The following EFCAB9 variants were observed in gnomAD, a reference collection of about 807,000 sequenced individuals.
The protein encoded by EFCAB9 is EF-hand calcium-binding domain-containing protein 9.
A neutral mutation model predicts 15.6 loss-of-function variants in EFCAB9; 16 were observed. The ratio of observed to expected loss-of-function variants is 1.03; its 90% CI spans 0.69 to 1.56. EFCAB9 has a LOEUF of 1.56. Among genes scored for constraint, EFCAB9 ranks in the 40% most tolerant of loss-of-function variants. The pLI, the probability that EFCAB9 is intolerant of heterozygous loss-of-function variation, is 0.00. For synonymous variants in EFCAB9, 76 were observed against 85.4 expected (o/e 0.89, Z 0.61); for missense variants, 208 against 235.4 (o/e 0.88, Z 0.76).
At position 172,199,388 on chromosome 5, in the gene EFCAB9, C is replaced by G. The variant is rs1771217674; in HGVS notation, c.142C>G (p.Leu48Val). The G allele has an allele frequency of 2.6e-6, 4 of 1,537,092 alleles. No homozygotes were observed. The highest frequency in any genetic ancestry group is 2.0e-5 in the Admixed American group (1 of 50,970). Residue 48 changes from leucine to valine, a missense_variant, in exon 2 of 4, where the codon CTG becomes GTG. Leu to Val is a conservative substitution (Grantham distance 32). Coordinates refer to ENST00000398186, the MANE Select transcript of EFCAB9 (RefSeq NM_001171183.2). ...VHGKNTLNDVLFYHFLHHVTD... is the reference protein window; with the variant it reads ...VHGKNTLNDVVFYHFLHHVTD... Reference sequence around the variant, plus strand: ...TCACCTGCCCACCTTAACAGATGTGCTGTTCTATCACTTCCTTCATCATGT... The same window carrying G: ...TCACCTGCCCACCTTAACAGATGTGGTGTTCTATCACTTCCTTCATCATGT...
Position 172,197,761 on chromosome 5 carries a change from G to T in EFCAB9, c.137-1622G>T, listed in dbSNP as rs914437293. On this transcript the variant is annotated intron_variant, in intron 1 of 3. Coordinates refer to ENST00000398186, the MANE Select transcript of EFCAB9 (RefSeq NM_001171183.2). ...AGTAAGCAGCATCAAGATTTATTGT[G>T]AAGAGTAAAAGAACAAAGCTCCTAC... Among the ~76,000 whole-genome samples, 11 of 152,250 alleles carry T rather than the reference G, an allele frequency of 7.2e-5. No homozygotes were observed. In the South Asian group the frequency reaches 1.2e-3, roughly 17 times the overall value.
chr5:172,200,722 T>G lies in EFCAB9; in HGVS notation c.442T>G (p.Phe148Val), dbSNP rs1163871917. 3.3e-6 allele frequency: 5 copies of G among 1,537,410 alleles called. No homozygotes were observed. Among genetic ancestry groups the G allele is most frequent in the Non-Finnish European group, 4.4e-6 (5 of 1,146,812 alleles). Residue 148 changes from phenylalanine to valine, a missense_variant, in exon 3 of 4, where the codon TTT becomes GTT. Coordinates refer to ENST00000398186, the MANE Select transcript of EFCAB9 (RefSeq NM_001171183.2). ...GGAACTCAAAGATCTCTTCCGTGAC[T>G]TTGACATTACAGGTGACAATGTAAG... ...KQELKDLFRD[F>V]DITGDNRLNY...
intron 2 of EFCAB9, among the ~76,000 whole-genome samples, chr5:172,199,931 CCTTT>C (rs1473466159): frequency 1.5e-5 from 2 of 137,314 alleles, no homozygotes; most frequent in African/African-American, 5.4e-5. Context: ...TACCCAGTTT[CCTTT>C]TTTTTTTTTT....
intron 3 of EFCAB9, 49 bp from the exon 4 acceptor site, chr5:172,203,165 T>C (rs537325105): frequency 9.0e-6 from 13 of 1,441,232 alleles, no homozygotes; most frequent in Non-Finnish European, 1.2e-5. Context: ...AAACAAAGTA[T>C]GAAGTTTTTC....
chr5:172,199,117 G>A (rs1273006101), intron 1 of EFCAB9, among the ~76,000 whole-genome samples: 1 of 152,208 alleles, frequency 6.6e-6, no homozygotes, highest in Admixed American at 6.5e-5. Flanking sequence ...GCTCCATGGA[G>A]TGTGTGAGCT....
At chr5:172,197,594 T>C (rs1178519890) in intron 1 of EFCAB9, among the ~76,000 whole-genome samples, 1 of 152,210 alleles carries the variant, frequency 6.6e-6, no homozygotes, top group South Asian at 2.1e-4. Context: ...TATAGACTAA[T>C]TGATATCTGA....
intron 3 of EFCAB9, among the ~76,000 whole-genome samples, chr5:172,202,788 T>C (rs1443787339): frequency 6.7e-6 from 1 of 149,330 alleles, no homozygotes; most frequent in African/African-American, 2.5e-5. Flanking sequence ...GGTCATGAGG[T>C]CAGGAGTTTG....
At chr5:172,196,162 C>T (rs11134734) in intron 1 of EFCAB9, among the ~76,000 whole-genome samples, 26,972 of 151,928 alleles carry the variant, frequency 0.18, 2,513 homozygotes, top group East Asian at 0.35. Flanking sequence ...CTAAGTTGCA[C>T]ATGGAAACAT....
At chr5:172,194,377 C>A in intron 1 of EFCAB9, 69 bp downstream of exon 1, 1 of 1,488,082 alleles carries the variant, frequency 6.7e-7, no homozygotes, top group Non-Finnish European at 8.9e-7. Context: ...AGAAAACTTG[C>A]AGAGCCAGAA....
At chr5:172,198,912 C>T (rs565447503) in intron 1 of EFCAB9, among the ~76,000 whole-genome samples, 1 of 152,264 alleles carries the variant, frequency 6.6e-6, no homozygotes, top group East Asian at 1.9e-4. Flanking sequence ...CTGTGCCTGG[C>T]CGAAGGGGAA....
At chr5:172,199,341 T>C (rs1282408958) in intron 1 of EFCAB9, 42 bp from the exon 2 acceptor site, 4 of 1,532,032 alleles carry the variant, frequency 2.6e-6, no homozygotes, top group Non-Finnish European at 3.5e-6. Context: ...ATTTTGGAAC[T>C]ATATCCAAAT....
Position 172,195,102 on chromosome 5 carries a change from A to T in EFCAB9, c.136+794A>T, listed in dbSNP as rs182121193. Among the ~76,000 whole-genome samples the T allele has an allele frequency of 2.9e-4, 44 of 152,064 alleles. No homozygotes were observed. The East Asian group carries it at 8.3e-3, about 29-fold the overall frequency. On this transcript the variant is annotated intron_variant, in intron 1 of 3. Transcript: ENST00000398186. ...TTTATCTGTCATGTGGGAAGTTTGAATCTGATGAGCTGCAGGATCCCTTCT... is the reference window on the plus strand; with the variant it reads ...TTTATCTGTCATGTGGGAAGTTTGATTCTGATGAGCTGCAGGATCCCTTCT...
chr5:172,200,751 A>G lies in EFCAB9; in HGVS notation c.462+9A>G. 3 of 1,532,696 alleles carry G rather than the reference A, an allele frequency of 2.0e-6. No homozygotes were observed. In the South Asian group the frequency reaches 3.6e-5, roughly 18 times the overall value. The allele number at this position is 1,532,696 out of a possible 1,614,324, so 94.9% of individuals were successfully genotyped here. ...ACATTACAGGTGACAATGTAAGTAC[A>G]GATCCAAAATGTGGCATGTGTGTGG... On this transcript the variant is annotated intron_variant, in intron 3 of 3. Coordinates refer to ENST00000398186, the MANE Select transcript of EFCAB9 (RefSeq NM_001171183.2).
chr5:172,195,620 C>A (rs377495094), intron 1 of EFCAB9, among the ~76,000 whole-genome samples: 1 of 152,146 alleles, frequency 6.6e-6, no homozygotes, highest in Admixed American at 6.5e-5. Context: ...TCCCTGGTAA[C>A]CTCCCTGCTG....
In EFCAB9 at chr5:172,199,526, C is replaced by G. The variant is rs1006591764; in HGVS notation, c.280C>G (p.His94Asp). The change falls in exon 2 of 4, where the codon CAC becomes GAC. Residue 94 changes from histidine to aspartate, a missense_variant. Physicochemically the swap from His to Asp is moderately conservative, Grantham distance 81. Transcript: ENST00000398186. ...CATGCTGGTGTGCATGCTGCTGGCCCACCAGGCAAGTAGCCGCGCGGCTGC... is the reference window on the plus strand; with the variant it reads ...CATGCTGGTGTGCATGCTGCTGGCCGACCAGGCAAGTAGCCGCGCGGCTGC... The part of the protein sequence containing the change: ...FYMLVCMLLA[H>D]QNHLEGQFMY... The G allele has an allele frequency of 9.1e-6, 14 of 1,536,992 alleles. No homozygotes were observed. Among genetic ancestry groups the G allele is most frequent in the Admixed American group, 5.9e-5 (3 of 50,976 alleles).
intron 1 of EFCAB9, among the ~76,000 whole-genome samples, chr5:172,195,404 T>A (rs953638647): frequency 5.3e-5 from 8 of 152,202 alleles, no homozygotes; most frequent in African/African-American, 1.9e-4. Context: ...ATTCAATTTT[T>A]AAAAACAATT....
chr5:172,202,960 C>T (rs1771281422), intron 3 of EFCAB9, among the ~76,000 whole-genome samples: 1 of 152,168 alleles, frequency 6.6e-6, no homozygotes, highest in South Asian at 2.1e-4. Context: ...GATAGCGCCA[C>T]TGCACTCCGG....
rs1771122615 is a variant in EFCAB9, at chr5:172,194,417, T to TTG, written c.136+109_136+110insTG. On this transcript the variant is annotated intron_variant, in intron 1 of 3. Transcript: ENST00000398186. ...TTTTGTTAGTACATTTTTTTTTTTT[T>TTG]GAGACGGAATCTCGCTCTATTGCCC... The TTG allele has an allele frequency of 7.6e-6, 10 of 1,319,388 alleles. No homozygotes were observed. In the South Asian group the frequency reaches 1.1e-4, roughly 14 times the overall value. 81.7% of individuals were successfully genotyped at this position (1,319,388 alleles called of 1,614,324 possible).
intron 3 of EFCAB9, among the ~76,000 whole-genome samples, chr5:172,202,347 AAAAAAAAAAG>A (rs1362595262): frequency 6.6e-6 from 1 of 151,122 alleles, no homozygotes; most frequent in Non-Finnish European, 1.5e-5. Context: ...AAAAAAAAAA[AAAAAAAAAAG>A]AAAGTAATGG....
Sources: allele counts gnomAD v4.1 joint callset (sites outside exome capture counted in the v4.1 genomes callset), GRCh38; gene constraint gnomAD v4.1.1; transcripts MANE v1.5; gene names NCBI Gene and HGNC (gene_info 2026-07-23, HGNC 2026-07-21).